Variants in GPC6 observed in about 807,000 individuals in gnomAD.
GPC6 encodes glypican 6.
Under a neutral mutation model 55.2 loss-of-function variants are expected in GPC6, and 14 were observed. That is an observed-to-expected ratio of 0.25 (90% CI 0.17 to 0.40). The LOEUF (loss-of-function observed/expected upper bound fraction) is 0.40, where lower values mean the gene tolerates loss of function less well. GPC6 is among the 10% of genes least tolerant of loss of function. GPC6 has a pLI of 1.00. For synonymous variants in GPC6, 278 were observed against 259.6 expected, an observed-to-expected ratio of 1.07 and a Z score of -0.68; for missense variants, 641 against 708.5, an observed-to-expected ratio of 0.90 and a Z score of 1.08.
chr13:94,337,470 TG>T (rs1566691001), intron 6 of GPC6, among the ~76,000 whole-genome samples: 1 of 151,442 alleles, frequency 6.6e-6, no homozygotes, highest in African/African-American at 2.4e-5. Flanking sequence ...TTTTTTGAGG[TG>T]GAGTCTCCCT....
chr13:93,484,466 G>T (rs911762015), intron 1 of GPC6, among the ~76,000 whole-genome samples: 1 of 152,040 alleles, frequency 6.6e-6, no homozygotes, highest in Non-Finnish European at 1.5e-5. Flanking sequence ...CGAGTATGCT[G>T]TGAACCTCTT....
intron 4 of GPC6, among the ~76,000 whole-genome samples, chr13:94,250,502 C>A (rs1052810534): frequency 6.6e-5 from 10 of 152,140 alleles, no homozygotes; most frequent in African/African-American, 1.7e-4. Context: ...ATGTCTTTAG[C>A]AATTATCTTA....
chr13:93,828,491 T>C (rs1887352570), intron 2 of GPC6, among the ~76,000 whole-genome samples: 2 of 152,114 alleles, frequency 1.3e-5, no homozygotes, highest in Admixed American at 6.5e-5. Context: ...CATATATAAA[T>C]ATTTTGATAA....
chr13:93,619,463 T>C (rs534462328), intron 2 of GPC6, among the ~76,000 whole-genome samples: 1 of 152,274 alleles, frequency 6.6e-6, no homozygotes, highest in Middle Eastern at 3.4e-3. Flanking sequence ...TTGTTCTGTT[T>C]TTATCTAGAG....
At chr13:93,504,343 C>A (rs2590510) in intron 1 of GPC6, among the ~76,000 whole-genome samples, 16,738 of 152,032 alleles carry the variant, frequency 0.11, 1,365 homozygotes, top group East Asian at 0.48. Context: ...ACAGGACATA[C>A]TTACACCAAC....
At chr13:93,375,785 A>G (rs986473570) in intron 1 of GPC6, among the ~76,000 whole-genome samples, 3 of 152,114 alleles carry the variant, frequency 2.0e-5, no homozygotes, top group Admixed American at 6.6e-5. Flanking sequence ...TAATTTTAAG[A>G]CTTCCCTGCA....
chr13:93,535,384 A>T lies in GPC6; in HGVS notation c.161-9879A>T, dbSNP rs538076523. On this transcript the variant is annotated intron_variant, in intron 1 of 8. Coordinates refer to ENST00000377047, the MANE Select transcript of GPC6 (RefSeq NM_005708.5). ...TTGAAACAGAAAGGGATGGAGTTGG[A>T]TTCTTCATACAGCAAAGTAGCTGCC... Among the ~76,000 whole-genome samples, 3 of 152,248 alleles carry T rather than the reference A, an allele frequency of 2.0e-5. No homozygotes were observed. In the South Asian group the frequency reaches 6.2e-4, roughly 32 times the overall value.
chr13:93,488,937 G>A (rs1879841815), intron 1 of GPC6, among the ~76,000 whole-genome samples: 1 of 151,994 alleles, frequency 6.6e-6, no homozygotes, highest in Admixed American at 6.6e-5. Flanking sequence ...TCCCGCTGAT[G>A]GTAGTTTCTT....
intron 3 of GPC6, among the ~76,000 whole-genome samples, chr13:93,940,605 G>T (rs1040748232): frequency 6.6e-6 from 1 of 152,228 alleles, no homozygotes; most frequent in East Asian, 1.9e-4. Context: ...AGACCCAATA[G>T]ATACACCAAA....
At chr13:93,789,897 C>G (rs894758874) in intron 2 of GPC6, among the ~76,000 whole-genome samples, 2 of 151,600 alleles carry the variant, frequency 1.3e-5, no homozygotes. Flanking sequence ...TTTTTATATT[C>G]TTATTTGTTT....
chr13:94,376,878 C>A (rs1879887465), intron 6 of GPC6, among the ~76,000 whole-genome samples: 1 of 151,710 alleles, frequency 6.6e-6, no homozygotes, highest in South Asian at 2.1e-4. Context: ...CAGAACAGAG[C>A]CCTCAGAAAT....
chr13:94,344,615 T>C, intron 6 of GPC6, among the ~76,000 whole-genome samples: 1 of 152,244 alleles, frequency 6.6e-6, no homozygotes, highest in East Asian at 1.9e-4. Context: ...GTCAAGGACA[T>C]GTCTGCAGAG....
chr13:93,715,750 T>C (rs897579148), intron 2 of GPC6, among the ~76,000 whole-genome samples: 2 of 151,678 alleles, frequency 1.3e-5, no homozygotes, highest in Non-Finnish European at 3.0e-5. Flanking sequence ...AAAATGGGAA[T>C]GGTGATTATT....
chr13:93,932,768 A>G (rs1373669780), intron 3 of GPC6, among the ~76,000 whole-genome samples: 5 of 152,140 alleles, frequency 3.3e-5, no homozygotes, highest in Non-Finnish European at 7.4e-5. Flanking sequence ...CATAGGAATC[A>G]GAAATCCTGA....
intron 1 of GPC6, among the ~76,000 whole-genome samples, chr13:93,449,238 A>AT (rs1878122614): frequency 7.0e-6 from 1 of 143,620 alleles, no homozygotes; most frequent in Admixed American, 7.0e-5. Context: ...ATAAGGAAAG[A>AT]CTAGGAAAAG....
chr13:94,007,432 C>G (rs1344593527), intron 3 of GPC6, among the ~76,000 whole-genome samples: 1 of 152,130 alleles, frequency 6.6e-6, no homozygotes, highest in Non-Finnish European at 1.5e-5. Flanking sequence ...ATAGATATTG[C>G]GTGACTAGTG....
chr13:93,994,416 G>A (rs1881445332), intron 3 of GPC6, among the ~76,000 whole-genome samples: 1 of 152,096 alleles, frequency 6.6e-6, no homozygotes, highest in South Asian at 2.1e-4. Flanking sequence ...TTATAACATT[G>A]TGGATTGGTT....
intron 2 of GPC6, among the ~76,000 whole-genome samples, chr13:93,735,624 C>T (rs4394948): frequency 0.52 from 78,903 of 151,878 alleles, 21,517 homozygotes; most frequent in Middle Eastern, 0.74. Flanking sequence ...AGTCATGAAA[C>T]TGATTCTTCT....
At chr13:94,091,908 TTG>T (rs61061006) in intron 4 of GPC6, among the ~76,000 whole-genome samples, 44,980 of 148,330 alleles carry the variant, frequency 0.3, 7,876 homozygotes, top group Middle Eastern at 0.42. Context: ...GTGTGTGTGT[TTG>T]TGTGTGTGTG....
Sources: allele counts gnomAD v4.1 joint callset (sites outside exome capture counted in the v4.1 genomes callset), GRCh38; gene constraint gnomAD v4.1.1; transcripts MANE v1.5; gene names NCBI Gene and HGNC (gene_info 2026-07-23, HGNC 2026-07-21).